Variants in PTPRN2 observed in about 807,000 individuals in gnomAD.
The protein encoded by PTPRN2 is protein tyrosine phosphatase receptor type N2, also known as receptor-type tyrosine-protein phosphatase N2.
A neutral mutation model predicts 118.8 loss-of-function variants in PTPRN2; 74 were observed. That is an observed-to-expected ratio of 0.62 (90% CI 0.52 to 0.76). The LOEUF (loss-of-function observed/expected upper bound fraction) is 0.76. Among genes scored for constraint, PTPRN2 ranks in the 30% least tolerant of loss-of-function variants. The pLI is 0.00. For missense variants in PTPRN2, 1,481 were observed against 1,394.4 expected (o/e 1.06, Z -0.99); for synonymous variants, 641 against 608.0 (o/e 1.05, Z -0.80).
Position 157,725,243 on chromosome 7 carries a change from T to A in PTPRN2, c.1789-42306A>T, listed in dbSNP as rs57942709. ...CCTCGCCTCCCAGGAGAACTGGATA[T>A]CCACATGCAGAGGAGTGAGCCAGAC... On this transcript the variant is annotated intron_variant, in intron 12 of 22. Coordinates refer to ENST00000389418, the MANE Select transcript of PTPRN2 (RefSeq NM_002847.5). Among the ~76,000 whole-genome samples the A allele has an allele frequency of 9.3e-5, 12 of 129,088 alleles. No homozygotes were observed. In the East Asian group the frequency reaches 3.0e-3, roughly 33 times the overall value. The allele number at this position is 129,088 out of a possible 152,430, so 84.7% of individuals were successfully genotyped here. A position where few individuals can be genotyped will look rare whatever the true frequency, so the allele number is the denominator to read the frequency against.
chr7:157,982,700 C>A (rs1169063546), intron 11 of PTPRN2, among the ~76,000 whole-genome samples: 1 of 113,676 alleles, frequency 8.8e-6, no homozygotes, highest in South Asian at 3.0e-4. Flanking sequence ...GAGGGGAATG[C>A]AGAGTACCGG....
intron 10 of PTPRN2, among the ~76,000 whole-genome samples, chr7:158,091,496 G>T (rs1279861432): frequency 2.6e-5 from 4 of 152,238 alleles, no homozygotes; most frequent in African/African-American, 7.2e-5. Flanking sequence ...CATGCTCTCT[G>T]CTGGCTTGAC....
At chr7:158,007,738 G>A (rs1805731431) in intron 11 of PTPRN2, among the ~76,000 whole-genome samples, 1 of 152,122 alleles carries the variant, frequency 6.6e-6, no homozygotes, top group African/African-American at 2.4e-5. Context: ...GCATGTGTGT[G>A]AGGGTGTGTG....
chr7:158,392,495 T>C (rs7777277), intron 2 of PTPRN2, among the ~76,000 whole-genome samples: 148,226 of 152,312 alleles, frequency 0.97, 72,155 homozygotes, highest in African/African-American at 0.99. Context: ...ACAGGACAGC[T>C]GCTTCTCTTG....
chr7:158,035,853 T>A (rs570116426), intron 11 of PTPRN2, among the ~76,000 whole-genome samples: 1 of 152,226 alleles, frequency 6.6e-6, no homozygotes, highest in Admixed American at 6.5e-5. Context: ...AAGAAAGACA[T>A]CAAAGACAAG....
At position 157,603,417 on chromosome 7, in the gene PTPRN2, G is replaced by A. The variant is rs367585514; in HGVS notation, c.2418+585C>T. On this transcript the variant is annotated intron_variant, in intron 16 of 22. Transcript: ENST00000389418. This position sits in a 1 kb window ranked among gnomAD's most constrained non-coding sequence, Gnocchi z 5.4. ...CAGGCCACAGGGACTCATAACTCAC[G>A]GCACAGGAGCTGCCACCACACTCGT... Among the ~76,000 whole-genome samples, 35 of 152,266 alleles carry A rather than the reference G, an allele frequency of 2.3e-4. No homozygotes were observed. The highest frequency in any genetic ancestry group is 1.4e-3 in the East Asian group (7 of 5,184).
intron 10 of PTPRN2, among the ~76,000 whole-genome samples, chr7:158,094,529 G>A (rs763846455): frequency 2.6e-5 from 4 of 151,828 alleles, no homozygotes; most frequent in East Asian, 3.9e-4. Context: ...GGCTGGTCTC[G>A]AACTCCAGAC....
Position 158,388,524 on chromosome 7 carries a change from A to G in PTPRN2, c.164-71592T>C, listed in dbSNP as rs912589240. On this transcript the variant is annotated intron_variant, in intron 2 of 22. Coordinates refer to ENST00000389418, the MANE Select transcript of PTPRN2 (RefSeq NM_002847.5). The stretch of plus-strand genomic sequence containing the variant: ...AGCCAAACTGAGGGACGCACGGGGC[A>G]GGGTGCAGGGCACACGTCACACCTG... Among the ~76,000 whole-genome samples the G allele has an allele frequency of 2.6e-5, 4 of 152,366 alleles. No homozygotes were observed. The East Asian group carries it at 7.7e-4, about 29-fold the overall frequency.
At chr7:157,970,005 T>G (rs993632376) in intron 11 of PTPRN2, among the ~76,000 whole-genome samples, 2 of 150,336 alleles carry the variant, frequency 1.3e-5, no homozygotes, top group African/African-American at 4.9e-5. Context: ...GGTGAGAGGA[T>G]GAGTCCAGGA....
intron 6 of PTPRN2, among the ~76,000 whole-genome samples, chr7:158,148,890 C>G (rs1820522473): frequency 2.6e-5 from 1 of 37,982 alleles, no homozygotes; most frequent in Non-Finnish European, 5.3e-5. Context: ...CTTTCCCCCT[C>G]AATGACACCC....
chr7:157,854,447 G>A (rs1216220658), intron 12 of PTPRN2: 1 of 152,380 alleles, frequency 6.6e-6, no homozygotes, highest in Non-Finnish European at 1.5e-5. Context: ...GAGAGGCCCA[G>A]GGTTGAACCC....
intron 2 of PTPRN2, among the ~76,000 whole-genome samples, chr7:158,482,888 C>A (rs56356347): frequency 6.6e-6 from 1 of 152,022 alleles, no homozygotes; most frequent in Non-Finnish European, 1.5e-5. Context: ...CTCGAGAAAA[C>A]GGCAGAAGCA....
Position 158,555,770 on chromosome 7 carries a change from G to A in PTPRN2, c.112+31788C>T, listed in dbSNP as rs1409332289. Reference sequence around the variant, plus strand: ...CCCAGCGGGTTCCACCCACTGCCTAGCAGGCCATCTACATGGGGCAGACCA... The same window carrying A: ...CCCAGCGGGTTCCACCCACTGCCTAACAGGCCATCTACATGGGGCAGACCA... On this transcript the variant is annotated intron_variant, in intron 1 of 22. Coordinates refer to ENST00000389418, the MANE Select transcript of PTPRN2 (RefSeq NM_002847.5). This position sits in a 1 kb window ranked among gnomAD's most constrained non-coding sequence, Gnocchi z 4.7. 6.6e-6 allele frequency among the ~76,000 whole-genome samples: 1 copy of A among 152,136 alleles called. No individual in the cohort carries two copies. Among genetic ancestry groups the A allele is most frequent in the Admixed American group, 6.5e-5 (1 of 15,284 alleles).
At chr7:157,648,214 AC>A in intron 14 of PTPRN2, among the ~76,000 whole-genome samples, 1 of 41,582 alleles carries the variant, frequency 2.4e-5, no homozygotes, top group African/African-American at 9.0e-5. Context: ...TGTGCACTGA[AC>A]TCGGTGGGTC....
chr7:158,019,948 C>A (rs1300921541), intron 11 of PTPRN2, among the ~76,000 whole-genome samples: 2 of 152,246 alleles, frequency 1.3e-5, no homozygotes, highest in East Asian at 1.9e-4. Context: ...GGATCCCAGA[C>A]CCTGCTCCTC....
intron 2 of PTPRN2, among the ~76,000 whole-genome samples, 188 bp from the exon 3 acceptor site, chr7:158,317,120 G>A (rs962015353): frequency 6.6e-6 from 1 of 152,144 alleles, no homozygotes; most frequent in Non-Finnish European, 1.5e-5. Flanking sequence ...TAAAAACCGA[G>A]CATCACGGAA....
chr7:158,000,678 T>C (rs3889957), intron 11 of PTPRN2, among the ~76,000 whole-genome samples: 1 of 7,858 alleles, frequency 1.3e-4, no homozygotes. Flanking sequence ...GCAGGTGGGG[T>C]GCAGGGTGGG....
chr7:158,113,300 G>A (rs570726265), intron 9 of PTPRN2, among the ~76,000 whole-genome samples: 24 of 152,260 alleles, frequency 1.6e-4, no homozygotes, highest in African/African-American at 5.8e-4. Flanking sequence ...GGGATGGAGA[G>A]TAGGAAAGGA....
chr7:158,317,971 G>A (rs1175330146), intron 2 of PTPRN2, among the ~76,000 whole-genome samples: 2 of 152,194 alleles, frequency 1.3e-5, no homozygotes, highest in African/African-American at 4.8e-5. Flanking sequence ...CAGGGAATCC[G>A]GGAGGCAGCC....
Sources: allele counts gnomAD v4.1 joint callset (sites outside exome capture counted in the v4.1 genomes callset), GRCh38; gene constraint gnomAD v4.1.1; non-coding constraint Gnocchi (gnomAD v3.1); transcripts MANE v1.5; gene names NCBI Gene and HGNC (gene_info 2026-07-23, HGNC 2026-07-21).